The following RABEPK variants were observed in gnomAD, a reference collection of about 807,000 sequenced individuals.
RABEPK encodes the protein 40 kDa Rab9 effector protein.
RABEPK carries 27 observed loss-of-function variants against 34.1 expected under a neutral mutation model. That is an observed-to-expected ratio of 0.79 (90% CI 0.58 to 1.09). The LOEUF (loss-of-function observed/expected upper bound fraction) is 1.09, where lower values mean the gene tolerates loss of function less well. Among genes scored for constraint, RABEPK ranks in the 50% least tolerant of loss-of-function variants. The pLI is 0.00. For synonymous variants in RABEPK, 172 were observed against 169.2 expected (o/e 1.02, Z -0.13); for missense variants, 449 against 462.6 (o/e 0.97, Z 0.27).
At chr9:125,218,366 C>A (rs1214942011) in intron 4 of RABEPK, among the ~76,000 whole-genome samples, 5 of 145,688 alleles carry the variant, frequency 3.4e-5, no homozygotes, top group African/African-American at 1.2e-4. Context: ...GTTCAAACTC[C>A]TGCTCTGCTA....
intron 1 of RABEPK, 95 bp downstream of exon 1, chr9:125,201,001 C>T (rs1443231357): frequency 2.7e-6 from 1 of 376,530 alleles, no homozygotes; most frequent in Non-Finnish European, 5.3e-6. Flanking sequence ...TTGGTAGGTT[C>T]TCGGAATGGA....
At chr9:125,219,651 C>G (rs1831189592) in intron 4 of RABEPK, among the ~76,000 whole-genome samples, 1 of 152,040 alleles carries the variant, frequency 6.6e-6, no homozygotes. Flanking sequence ...GATCCACCCA[C>G]CTTGGTCTCC....
intron 7 of RABEPK, 145 bp from the exon 8 acceptor site, chr9:125,233,543 C>T: frequency 1.0e-5 from 8 of 792,978 alleles, no homozygotes; most frequent in South Asian, 3.6e-5. Flanking sequence ...GGGGTTTCAC[C>T]GTGTTAGCCA....
At chr9:125,210,174 C>T (rs1189959440) in intron 3 of RABEPK, among the ~76,000 whole-genome samples, 6 of 152,164 alleles carry the variant, frequency 3.9e-5, no homozygotes, top group African/African-American at 1.2e-4. Flanking sequence ...GAGGCTGAGG[C>T]GGGCGGATCG....
chr9:125,202,201 T>A (rs1335141155), intron 1 of RABEPK, among the ~76,000 whole-genome samples: 1 of 149,324 alleles, frequency 6.7e-6, no homozygotes, highest in Non-Finnish European at 1.5e-5. Flanking sequence ...GGTGACAGAG[T>A]GAGACTCCAT....
At chr9:125,227,802 G>T in intron 5 of RABEPK, 108 bp from the exon 6 acceptor site, 1 of 1,088,746 alleles carries the variant, frequency 9.2e-7, no homozygotes, top group Non-Finnish European at 1.2e-6. Context: ...GTTGCTTCCT[G>T]CATGGGACAG....
intron 6 of RABEPK, among the ~76,000 whole-genome samples, chr9:125,231,756 G>A (rs1047114549): frequency 6.6e-6 from 1 of 151,826 alleles, no homozygotes; most frequent in Non-Finnish European, 1.5e-5. Flanking sequence ...TGCACTCCAG[G>A]CTGGGCAACA....
At chr9:125,224,586 T>G (rs1348975581) in intron 5 of RABEPK, among the ~76,000 whole-genome samples, 2 of 151,722 alleles carry the variant, frequency 1.3e-5, no homozygotes, top group Non-Finnish European at 2.9e-5. Context: ...CCGAGTAGCT[T>G]GGACTGCAGG....
chr9:125,216,668 A>G lies in RABEPK; in HGVS notation c.364+3146A>G, dbSNP rs138908023. On this transcript the variant is annotated intron_variant, in intron 4 of 7. Coordinates refer to ENST00000373538, the MANE Select transcript of RABEPK (RefSeq NM_005833.4). Reference sequence around the variant, plus strand: ...CTCAGGGTACAGAACACTGTCCGAAATAAAGTAGACACGGCCGGGCATGGT... The same window carrying G: ...CTCAGGGTACAGAACACTGTCCGAAGTAAAGTAGACACGGCCGGGCATGGT... Among the ~76,000 whole-genome samples the G allele has an allele frequency of 5.0e-3, 759 of 152,246 alleles. 16 individuals carry two copies. Among genetic ancestry groups the G allele is most frequent in the Admixed American group, 0.044 (665 of 15,264 alleles).
chr9:125,229,345 A>G (rs1427950242), intron 6 of RABEPK, among the ~76,000 whole-genome samples: 1 of 152,102 alleles, frequency 6.6e-6, no homozygotes, highest in Non-Finnish European at 1.5e-5. Context: ...AGGCAGGAGA[A>G]TCGCTGGAAC....
chr9:125,204,820 C>CTTATT (rs1830116752), intron 2 of RABEPK, among the ~76,000 whole-genome samples: 2 of 151,826 alleles, frequency 1.3e-5, no homozygotes, highest in African/African-American at 4.9e-5. Context: ...CTTTTCCCAG[C>CTTATT]TTATTTTATT....
intron 6 of RABEPK, among the ~76,000 whole-genome samples, chr9:125,230,210 C>T (rs1170800323): frequency 2.0e-5 from 3 of 152,096 alleles, no homozygotes; most frequent in African/African-American, 2.4e-5. Context: ...GGGATCCACC[C>T]GCCTTGGCCT....
Position 125,223,297 on chromosome 9 carries a change from G to C in RABEPK, c.526+2597G>C, listed in dbSNP as rs545815743. ...TACTAAAAATACAAAAAATTAGCTG[G>C]ACGTGGTGGCAGGTGCCTGCCTGCC... On this transcript the variant is annotated intron_variant, in intron 5 of 7. Coordinates refer to ENST00000373538, the MANE Select transcript of RABEPK (RefSeq NM_005833.4). Among the ~76,000 whole-genome samples the C allele has an allele frequency of 1.9e-3, 291 of 151,326 alleles. 7 individuals are homozygous for C. The highest frequency in any genetic ancestry group is 0.015 in the Admixed American group (223 of 15,154).
intron 6 of RABEPK, among the ~76,000 whole-genome samples, chr9:125,228,339 T>G (rs1162490798): frequency 6.6e-6 from 1 of 152,076 alleles, no homozygotes; most frequent in East Asian, 1.9e-4. Flanking sequence ...GCTCAAGTGA[T>G]TTTTTAGTGT....
intron 4 of RABEPK, among the ~76,000 whole-genome samples, chr9:125,218,346 AAAG>A (rs1471728820): frequency 4.0e-5 from 6 of 151,074 alleles, no homozygotes; most frequent in South Asian, 2.1e-4. Context: ...AAAAAAAAAA[AAAG>A]AACTGAGTTC....
intron 6 of RABEPK, among the ~76,000 whole-genome samples, chr9:125,228,743 C>T (rs182323380): frequency 2.6e-4 from 39 of 151,244 alleles, no homozygotes; most frequent in Middle Eastern, 3.4e-3. Context: ...GCTGGGGGAT[C>T]ATGAGGTAAG....
intron 7 of RABEPK, among the ~76,000 whole-genome samples, chr9:125,232,971 G>A (rs1394990076): frequency 3.3e-5 from 5 of 151,790 alleles, no homozygotes; most frequent in African/African-American, 4.8e-5. Context: ...AGCTACTCGG[G>A]AGGCTGAGGC....
At chr9:125,225,107 G>T (rs890953204) in intron 5 of RABEPK, among the ~76,000 whole-genome samples, 1 of 152,100 alleles carries the variant, frequency 6.6e-6, no homozygotes, top group African/African-American at 2.4e-5. Context: ...TAATAAGACT[G>T]GGTGTGGTGG....
At chr9:125,202,145 G>A (rs1829947803) in intron 1 of RABEPK, among the ~76,000 whole-genome samples, 1 of 152,096 alleles carries the variant, frequency 6.6e-6, no homozygotes, top group Non-Finnish European at 1.5e-5. Flanking sequence ...AACCCGGGAG[G>A]CAGAGGTTGC....
Sources: gnomAD v4.1 joint callset for allele counts (sites outside exome capture counted in the v4.1 genomes callset) on GRCh38, gnomAD v4.1.1 for gene constraint, MANE v1.5 for transcripts, NCBI Gene and HGNC (gene_info 2026-07-23, HGNC 2026-07-21) for gene names.